The following PRKCE variants were observed in gnomAD, a reference collection of about 807,000 sequenced individuals.
PRKCE encodes the protein protein kinase C epsilon.
Under a neutral mutation model 85.4 loss-of-function variants are expected in PRKCE, and 16 were observed. The ratio of observed to expected loss-of-function variants is 0.19; its 90% confidence interval spans 0.13 to 0.28. The LOEUF is 0.28. PRKCE is among the 10% of genes least tolerant of loss of function. The pLI is 1.00. For synonymous variants in PRKCE, 388 were observed against 371.5 expected (o/e 1.04, Z -0.51); for missense variants, 573 against 975.2 (o/e 0.59, Z 5.49).
intron 2 of PRKCE, among the ~76,000 whole-genome samples, chr2:45,950,624 G>T (rs1445025906): frequency 6.6e-6 from 1 of 152,120 alleles, no homozygotes; most frequent in African/African-American, 2.4e-5. Flanking sequence ...AAGATGCCTG[G>T]TTTGATGATG....
chr2:45,727,947 C>T (rs572320182), intron 1 of PRKCE, among the ~76,000 whole-genome samples: 2 of 152,266 alleles, frequency 1.3e-5, no homozygotes, highest in African/African-American at 4.8e-5. Context: ...GCCACCGGGC[C>T]CAGCCAGGGC....
At chr2:45,882,228 C>A (rs150254775) in intron 2 of PRKCE, among the ~76,000 whole-genome samples, 405 of 152,282 alleles carry the variant, frequency 2.7e-3, no homozygotes, top group Non-Finnish European at 4.9e-3. Context: ...TGGTGATATA[C>A]CTCCATGTAG....
chr2:46,096,659 G>A (rs1447199536), intron 11 of PRKCE, among the ~76,000 whole-genome samples: 3 of 152,154 alleles, frequency 2.0e-5, no homozygotes, highest in African/African-American at 7.2e-5. Context: ...CAGCACCTTG[G>A]TCTTACACTT....
chr2:46,067,237 C>T (rs912165900), intron 10 of PRKCE, among the ~76,000 whole-genome samples: 1 of 152,198 alleles, frequency 6.6e-6, no homozygotes, highest in Non-Finnish European at 1.5e-5. Context: ...TCACCATATC[C>T]TATTTGAACA....
intron 6 of PRKCE, among the ~76,000 whole-genome samples, chr2:45,989,504 C>A (rs1158509430): frequency 6.6e-6 from 1 of 152,150 alleles, no homozygotes; most frequent in Non-Finnish European, 1.5e-5. Context: ...TGGCTTTTAA[C>A]CCCAACTGCC....
At chr2:46,102,775 A>C (rs1471977801) in intron 11 of PRKCE, among the ~76,000 whole-genome samples, 1 of 152,190 alleles carries the variant, frequency 6.6e-6, no homozygotes, top group Non-Finnish European at 1.5e-5. Context: ...CTGATTATGG[A>C]TTAGACAGGA....
At chr2:45,832,312 A>C (rs1293576529) in intron 1 of PRKCE, among the ~76,000 whole-genome samples, 1 of 94,768 alleles carries the variant, frequency 1.1e-5, no homozygotes. Flanking sequence ...CCAAGGAGCA[A>C]CTTTTTTTTT....
chr2:45,662,757 G>GCTTGCTTCTTTACCTAC (rs1675731762), intron 1 of PRKCE, among the ~76,000 whole-genome samples: 1 of 150,698 alleles, frequency 6.6e-6, no homozygotes, highest in African/African-American at 2.4e-5. Flanking sequence ...ATTTTTGATA[G>GCTTGCTTCTTTACCTAC]CTTGCTTCTT....
intron 1 of PRKCE, among the ~76,000 whole-genome samples, chr2:45,679,007 CAT>C (rs1253290096): frequency 1.3e-5 from 2 of 152,120 alleles, no homozygotes; most frequent in East Asian, 1.9e-4. Flanking sequence ...AAAGACAAAA[CAT>C]GTCATTGTTT....
chr2:45,767,892 A>C (rs1685036402), intron 1 of PRKCE, among the ~76,000 whole-genome samples: 2 of 152,246 alleles, frequency 1.3e-5, no homozygotes, highest in Non-Finnish European at 1.5e-5. Context: ...CAAGGGATAG[A>C]AAACATTTGT....
At chr2:46,010,855 A>G in intron 10 of PRKCE, 1 of 1,524,886 alleles carries the variant, frequency 6.6e-7, no homozygotes, top group South Asian at 1.2e-5. Context: ...TCACTAATCA[A>G]ATCACTTAAC....
intron 1 of PRKCE, among the ~76,000 whole-genome samples, chr2:45,718,732 C>G (rs1361003812): frequency 6.6e-6 from 1 of 152,112 alleles, no homozygotes; most frequent in Non-Finnish European, 1.5e-5. Flanking sequence ...AGTTTGCTAA[C>G]CTGTTATAGC....
Position 46,063,024 on chromosome 2 carries a change from A to G in PRKCE, c.1438-23184A>G, listed in dbSNP as rs79670192. On this transcript the variant is annotated intron_variant, in intron 10 of 14. Transcript: ENST00000306156. Reference sequence around the variant, plus strand: ...AGTGCATTCTTAGAAATCACGAAAGAAAGCAGAGTGGGCAAGCTGATCATT... The same window carrying G: ...AGTGCATTCTTAGAAATCACGAAAGGAAGCAGAGTGGGCAAGCTGATCATT... 1.5e-3 allele frequency among the ~76,000 whole-genome samples: 234 copies of G among 152,376 alleles called. 1 individual carries two copies. The East Asian group carries it at 0.017, about 11-fold the overall frequency.
chr2:45,925,360 G>T (rs1042510275), intron 2 of PRKCE, among the ~76,000 whole-genome samples: 1 of 152,054 alleles, frequency 6.6e-6, no homozygotes, highest in African/African-American at 2.4e-5. Context: ...GCGATGGCAT[G>T]ATCTTGGCTC....
At chr2:45,743,909 C>T (rs970619909) in intron 1 of PRKCE, among the ~76,000 whole-genome samples, 12 of 151,902 alleles carry the variant, frequency 7.9e-5, no homozygotes, top group Non-Finnish European at 1.8e-4. Flanking sequence ...CATCCCCAGG[C>T]CTGGTGAAGG....
At chr2:45,758,602 C>T (rs1253679390) in intron 1 of PRKCE, among the ~76,000 whole-genome samples, 2 of 152,330 alleles carry the variant, frequency 1.3e-5, no homozygotes, top group South Asian at 2.1e-4. Flanking sequence ...CTTCGCCAGC[C>T]ACTATATTGA....
chr2:45,780,622 G>C (rs1489726480), intron 1 of PRKCE, among the ~76,000 whole-genome samples: 1 of 152,176 alleles, frequency 6.6e-6, no homozygotes, highest in Non-Finnish European at 1.5e-5. Flanking sequence ...AGAGACAAAG[G>C]GGGCACCCCA....
intron 1 of PRKCE, among the ~76,000 whole-genome samples, chr2:45,841,899 G>A (rs1358331142): frequency 6.6e-6 from 1 of 152,194 alleles, no homozygotes; most frequent in Non-Finnish European, 1.5e-5. Flanking sequence ...TGGGGACAGT[G>A]AAAAAGGAAA....
intron 2 of PRKCE, among the ~76,000 whole-genome samples, chr2:45,871,587 G>A (rs757237998): frequency 3.3e-5 from 5 of 152,210 alleles, no homozygotes; most frequent in African/African-American, 4.8e-5. Context: ...TGATTTAGAG[G>A]TATCTCTATA....
Sources: allele counts gnomAD v4.1 joint callset (sites outside exome capture counted in the v4.1 genomes callset), GRCh38; gene constraint gnomAD v4.1.1; transcripts MANE v1.5; gene names NCBI Gene and HGNC (gene_info 2026-07-23, HGNC 2026-07-21).